METAP1: variants seen among roughly 807,000 people sequenced by gnomAD.
The protein encoded by METAP1 is methionyl aminopeptidase 1.
METAP1 carries 28 observed loss-of-function variants against 53.8 expected under a neutral mutation model. The ratio of observed to expected loss-of-function variants is 0.52; its 90% CI spans 0.39 to 0.71. METAP1 has a LOEUF of 0.71. Among genes scored for constraint, METAP1 ranks in the 30% least tolerant of loss-of-function variants. The probability of loss-of-function intolerance (pLI) is 0.00; values close to 1 mark genes in which losing one functional copy is unlikely to be tolerated. For synonymous variants in METAP1, 181 were observed against 165.7 expected, an observed-to-expected ratio of 1.09 and a Z score of -0.71; for missense variants, 389 against 479.8, an observed-to-expected ratio of 0.81 and a Z score of 1.77.
chr4:99,019,284 C>T (rs775249874), intron 1 of METAP1, among the ~76,000 whole-genome samples: 2 of 152,118 alleles, frequency 1.3e-5, no homozygotes, highest in Admixed American at 6.5e-5. Flanking sequence ...TTTGGTCCCA[C>T]CTCCAAATTT....
At chr4:99,046,501 C>T (rs553761604) in intron 8 of METAP1, among the ~76,000 whole-genome samples, 27 of 152,268 alleles carry the variant, frequency 1.8e-4, no homozygotes, top group African/African-American at 6.3e-4. Context: ...TGGTTAAATC[C>T]TTACCATATC....
chr4:99,053,820 A>G (rs913045808), intron 9 of METAP1, among the ~76,000 whole-genome samples: 7 of 151,994 alleles, frequency 4.6e-5, no homozygotes, highest in African/African-American at 1.7e-4. Context: ...AGTGAGCAGT[A>G]ATATTTTGAA....
At chr4:99,031,714 T>A (rs1725047022) in intron 2 of METAP1, 1 of 756,096 alleles carries the variant, frequency 1.3e-6, no homozygotes. Context: ...GTCAGAATTT[T>A]GATCAGAAAA....
At chr4:99,023,593 A>T (rs1219025972) in intron 1 of METAP1, 1 of 985,334 alleles carries the variant, frequency 1.0e-6, no homozygotes, top group African/African-American at 1.7e-5. Flanking sequence ...GTAATAGGAC[A>T]CATTATGGGT....
intron 5 of METAP1, 71 bp downstream of exon 5, chr4:99,039,536 C>T: frequency 3.3e-6 from 3 of 898,984 alleles, no homozygotes; most frequent in South Asian, 1.6e-5. Context: ...CAGTGGTTTG[C>T]TGATTTATAA....
At chr4:99,026,599 TGAG>T in intron 1 of METAP1, 2 of 985,304 alleles carry the variant, frequency 2.0e-6, no homozygotes, top group Non-Finnish European at 2.4e-6. Context: ...TTGTTAGAGA[TGAG>T]GAGGGAAAGA....
At chr4:99,006,079 CTTG>C (rs1174780156) in intron 1 of METAP1, among the ~76,000 whole-genome samples, 1 of 152,156 alleles carries the variant, frequency 6.6e-6, no homozygotes, top group African/African-American at 2.4e-5. Flanking sequence ...CTAGCTAGGA[CTTG>C]TTGTTAACAG....
intron 4 of METAP1, chr4:99,037,951 T>A (rs1054323565): frequency 6.6e-6 from 1 of 152,018 alleles, no homozygotes; most frequent in South Asian, 2.1e-4. Flanking sequence ...GGTATGTTTT[T>A]AAAGTTTTAT....
chr4:99,024,169 C>G (rs1414406043), intron 1 of METAP1, among the ~76,000 whole-genome samples: 1 of 152,272 alleles, frequency 6.6e-6, no homozygotes, highest in East Asian at 1.9e-4. Flanking sequence ...CTGTCCTGTT[C>G]TGTTGTGTTC....
chr4:99,013,468 T>A (rs866703202), intron 1 of METAP1, among the ~76,000 whole-genome samples: 1 of 152,188 alleles, frequency 6.6e-6, no homozygotes, highest in Non-Finnish European at 1.5e-5. Flanking sequence ...AAATCAACAC[T>A]GAGACAAAGG....
intron 1 of METAP1, among the ~76,000 whole-genome samples, chr4:98,998,033 C>T (rs1383175935): frequency 6.6e-6 from 1 of 152,232 alleles, no homozygotes; most frequent in Non-Finnish European, 1.5e-5. Flanking sequence ...GCGTATCCCT[C>T]ATTGCTTTCA....
intron 1 of METAP1, among the ~76,000 whole-genome samples, chr4:99,014,819 C>T (rs1205799425): frequency 6.6e-6 from 1 of 152,176 alleles, no homozygotes; most frequent in African/African-American, 2.4e-5. Flanking sequence ...TGATGGAGGC[C>T]TCATGGGTTA....
intron 4 of METAP1, 50 bp from the exon 5 acceptor site, chr4:99,039,324 A>T (rs1725674235): frequency 9.4e-7 from 1 of 1,067,388 alleles, no homozygotes; most frequent in African/African-American, 1.6e-5. Context: ...GCAAATAAAT[A>T]CTACATCTTT....
At chr4:99,014,769 C>T (rs1295576811) in intron 1 of METAP1, among the ~76,000 whole-genome samples, 1 of 152,112 alleles carries the variant, frequency 6.6e-6, no homozygotes, top group Non-Finnish European at 1.5e-5. Context: ...CCAGTAAGTG[C>T]CCCCCGACAT....
intron 1 of METAP1, among the ~76,000 whole-genome samples, chr4:99,007,881 A>C (rs950339480): frequency 6.6e-6 from 1 of 152,176 alleles, no homozygotes; most frequent in Non-Finnish European, 1.5e-5. Flanking sequence ...CAGATCTGCA[A>C]TCAGTCTTGT....
intron 9 of METAP1, among the ~76,000 whole-genome samples, chr4:99,049,384 C>T (rs1364756365): frequency 6.6e-6 from 1 of 152,154 alleles, no homozygotes; most frequent in Non-Finnish European, 1.5e-5. Context: ...CAACAGTTTG[C>T]CACAGGCCTA....
At chr4:99,022,489 CGTTGGGCAAAT>C in intron 1 of METAP1, 1 of 622,028 alleles carries the variant, frequency 1.6e-6, no homozygotes, top group East Asian at 2.6e-5. Context: ...CTCAGTAGGA[CGTTGGGCAAAT>C]GTCCAGGAGC....
intron 4 of METAP1, among the ~76,000 whole-genome samples, chr4:99,036,635 T>C (rs1311110783): frequency 6.6e-6 from 1 of 152,114 alleles, no homozygotes; most frequent in Non-Finnish European, 1.5e-5. Context: ...TAATATGTCT[T>C]ACAAATGTGT....
intron 5 of METAP1, among the ~76,000 whole-genome samples, chr4:99,039,947 T>G (rs1028345457): frequency 2.0e-5 from 3 of 151,976 alleles, no homozygotes; most frequent in Non-Finnish European, 4.4e-5. Context: ...GGCTGGTCTC[T>G]AACTCCTGAC....
Sources: allele counts gnomAD v4.1 joint callset (sites outside exome capture counted in the v4.1 genomes callset), GRCh38; gene constraint gnomAD v4.1.1; transcripts MANE v1.5; gene names NCBI Gene and HGNC (gene_info 2026-07-23, HGNC 2026-07-21).